PHACTR2: variants seen among roughly 807,000 people sequenced by gnomAD.
PHACTR2 encodes phosphatase and actin regulator 2.
Under a neutral mutation model 76.0 loss-of-function variants are expected in PHACTR2, and 30 were observed. The observed-to-expected ratio is 0.39, with a 90% CI of 0.30 to 0.54. The LOEUF (loss-of-function observed/expected upper bound fraction) is 0.54, where lower values mean the gene tolerates loss of function less well. Ranked by LOEUF, PHACTR2 falls within the 20% of genes least tolerant of loss-of-function variation. The pLI is 0.61. For synonymous variants in PHACTR2, 292 were observed against 292.5 expected (o/e 1.00, Z 0.02); for missense variants, 696 against 781.1 (o/e 0.89, Z 1.30).
Position 143,583,282 on chromosome 6 carries a change from A to G in PHACTR2, c.217+46075A>G, listed in dbSNP as rs1278987756. On this transcript the variant is annotated intron_variant, in intron 1 of 11. Transcript: ENST00000367584. This position sits in a 1 kb window ranked among gnomAD's most constrained non-coding sequence, Gnocchi z 4.0. ...ACTAAACCATGATTTAGTGAATGAAAGCACTTATACCATGTGAGAATGGGT... is the reference window on the plus strand; with the variant it reads ...ACTAAACCATGATTTAGTGAATGAAGGCACTTATACCATGTGAGAATGGGT... Among the ~76,000 whole-genome samples, 2 of 152,252 alleles carry G rather than the reference A, an allele frequency of 1.3e-5. No individual in the cohort carries two copies. The highest frequency in any genetic ancestry group is 2.9e-5 in the Non-Finnish European group (2 of 68,044).
intron 1 of PHACTR2, among the ~76,000 whole-genome samples, chr6:143,560,747 C>T (rs1015780670): frequency 2.0e-5 from 3 of 152,002 alleles, no homozygotes; most frequent in African/African-American, 4.8e-5. Flanking sequence ...AGTAGGTGCT[C>T]GCTGGGGAGG....
rs764984123 is a variant in PHACTR2, at chr6:143,589,799, A to G, written c.217+52592A>G. On this transcript the variant is annotated intron_variant, in intron 1 of 11. Coordinates refer to the PHACTR2 transcript ENST00000367584. The surrounding 1 kb of genome is among the most constrained non-coding windows in gnomAD (Gnocchi z 4.4). ...TAGGGGAGGGGACACAATTCAGTCC[A>G]TTGCACTAATCTTATGCAAACTATT... Among the ~76,000 whole-genome samples, 24 of 152,232 alleles carry G rather than the reference A, an allele frequency of 1.6e-4. No homozygotes were observed. Among genetic ancestry groups the G allele is most frequent in the Non-Finnish European group, 2.8e-4 (19 of 68,050 alleles).
In PHACTR2 at chr6:143,690,846, A is replaced by T. The variant is rs116779070; in HGVS notation, c.46+12637A>T. 8.7e-3 allele frequency among the ~76,000 whole-genome samples: 1,327 copies of T among 152,278 alleles called. 22 individuals carry two copies. The highest frequency in any genetic ancestry group is 0.03 in the African/African-American group (1,236 of 41,534). On this transcript the variant is annotated intron_variant, in intron 1 of 12. Transcript: ENST00000440869. ...GATAATAATGTGCTGGCATTTTTTA[A>T]GAAGACTCACATTTAAGATCTACAT...
Position 143,684,718 on chromosome 6 carries a change from G to C in PHACTR2, c.46+6509G>C, listed in dbSNP as rs1777475193. On this transcript the variant is annotated intron_variant, in intron 1 of 12. Coordinates refer to ENST00000440869, the MANE Select transcript of PHACTR2 (RefSeq NM_001100164.2). This position sits in a 1 kb window ranked among gnomAD's most constrained non-coding sequence, Gnocchi z 4.3. ...GAATTAGAAGTCACTTCCTCTGGGT[G>C]AGGCAGCTAGCTCCACAGCACAGAC... Among the ~76,000 whole-genome samples the C allele has an allele frequency of 6.6e-6, 1 of 152,196 alleles. No homozygotes were observed. The highest frequency in any genetic ancestry group is 1.5e-5 in the Non-Finnish European group (1 of 68,034).
At chr6:143,603,385 C>T (rs989582651), upstream of PHACTR2, among the ~76,000 whole-genome samples, 3 of 150,720 alleles carry the variant, frequency 2.0e-5, no homozygotes, top group Non-Finnish European at 4.4e-5. Context: ...AAAATTATAG[C>T]CAAGGAGCAG....
intron 2 of PHACTR2, among the ~76,000 whole-genome samples, chr6:143,719,808 C>G (rs1228919866): frequency 7.4e-6 from 1 of 135,550 alleles, no homozygotes; most frequent in Non-Finnish European, 1.5e-5. Context: ...GCTTTGTGTT[C>G]GACACTTTTT....
chr6:143,702,773 CTTTTTTTTTT>C (rs1190039194), intron 1 of PHACTR2, among the ~76,000 whole-genome samples: 1 of 100,134 alleles, frequency 1.0e-5, no homozygotes, highest in African/African-American at 4.2e-5. Flanking sequence ...ATATATACAA[CTTTTTTTTTT>C]TTTTTTTTTT....
Position 143,557,074 on chromosome 6 carries a change from G to C in PHACTR2, c.217+19867G>C, listed in dbSNP as rs1775185551. Among the ~76,000 whole-genome samples the C allele has an allele frequency of 6.6e-6, 1 of 152,158 alleles. No homozygotes were observed. The highest frequency in any genetic ancestry group is 2.4e-5 in the African/African-American group (1 of 41,432). On this transcript the variant is annotated intron_variant, in intron 1 of 11. Coordinates refer to the PHACTR2 transcript ENST00000367584. This position sits in a 1 kb window ranked among gnomAD's most constrained non-coding sequence, Gnocchi z 5.5. The stretch of plus-strand genomic sequence containing the variant: ...TCTCTCCAAAATATGTTCTCCATGT[G>C]GTTCGGCAAGAGGATTCACTTGGTT...
intron 1 of PHACTR2, chr6:143,711,704 T>G: frequency 1.8e-6 from 1 of 540,876 alleles, no homozygotes; most frequent in Non-Finnish European, 3.6e-6. Context: ...CTGTACAAAA[T>G]ATTGATGGGG....
At chr6:143,626,371 A>G (rs1230064411) in intron 1 of PHACTR2, among the ~76,000 whole-genome samples, 3 of 152,036 alleles carry the variant, frequency 2.0e-5, no homozygotes, top group Non-Finnish European at 4.4e-5. Flanking sequence ...CCCCGTCTCT[A>G]CTGAAAATAA....
intron 1 of PHACTR2, among the ~76,000 whole-genome samples, chr6:143,690,269 T>C (rs186264243): frequency 1.3e-5 from 2 of 152,350 alleles, no homozygotes; most frequent in Non-Finnish European, 1.5e-5. Context: ...TACATAGCCT[T>C]TGTCCTCTTC....
Position 143,788,814 on chromosome 6 carries a change from G to T in PHACTR2, c.1749G>T (p.Arg583Ser). The T allele has an allele frequency of 6.2e-7, 1 of 1,613,564 alleles. No homozygotes were observed. The highest frequency in any genetic ancestry group is 8.5e-7 in the Non-Finnish European group (1 of 1,179,560). ...RPTVAELQAR[R>S]ILRFNEYVEV... ...CAGTGGCAGAGCTACAAGCTCGAAG[G>T]ATCCTGCGATTTAACGAGTATGTAG... The change falls in exon 11 of 13, where the codon AGG (arginine) becomes AGT (serine). Residue 583 changes from arginine (R) to serine (S), a missense_variant. Physicochemically the swap from Arg to Ser is moderately radical, Grantham distance 110. This residue lies in a region of PHACTR2 where 236 missense variants were observed against 330.2 expected (regional missense o/e 0.71). Coordinates refer to ENST00000440869, the MANE Select transcript of PHACTR2 (RefSeq NM_001100164.2).
intron 6 of PHACTR2, among the ~76,000 whole-genome samples, chr6:143,771,591 C>A (rs1053534833): frequency 2.6e-5 from 4 of 151,630 alleles, no homozygotes; most frequent in Non-Finnish European, 5.9e-5. Flanking sequence ...TGCCGGCCAC[C>A]ACTGCTGGCT....
intron 2 of PHACTR2, among the ~76,000 whole-genome samples, chr6:143,748,219 C>T (rs2128469598): frequency 6.6e-6 from 1 of 152,316 alleles, no homozygotes; most frequent in African/African-American, 2.4e-5. Context: ...GTGCCCACCA[C>T]CATGACCAGC....
chr6:143,712,586 G>A (rs1003576246), intron 2 of PHACTR2, among the ~76,000 whole-genome samples: 4 of 151,436 alleles, frequency 2.6e-5, no homozygotes, highest in African/African-American at 4.8e-5. Flanking sequence ...AATATTTAAC[G>A]ATTTAACTAG....
Position 143,761,570 on chromosome 6 carries a change from A to C in PHACTR2, c.694+930A>C, listed in dbSNP as rs1779442481. ...GGAGTTCGAGACCAACCTGGTCAACATGGTGAAACCCTGTCTCTGCTAAAA... is the reference window on the plus strand; with the variant it reads ...GGAGTTCGAGACCAACCTGGTCAACCTGGTGAAACCCTGTCTCTGCTAAAA... On this transcript the variant is annotated intron_variant, in intron 5 of 12. Coordinates refer to ENST00000440869, the MANE Select transcript of PHACTR2 (RefSeq NM_001100164.2). This position sits in a 1 kb window ranked among gnomAD's most constrained non-coding sequence, Gnocchi z 5.2. Among the ~76,000 whole-genome samples the C allele has an allele frequency of 6.6e-6, 1 of 152,134 alleles. No homozygotes were observed. Among genetic ancestry groups the C allele is most frequent in the South Asian group, 2.1e-4 (1 of 4,824 alleles).
In PHACTR2 at chr6:143,825,742, A is replaced by G. The variant is rs2128488211; in HGVS notation, c.*2053A>G. ...TGTCTATGCTTAATCATCTTTAAAC[A>G]CTTTTTAAATTTCTAACCACAAGAC... On this transcript the variant is annotated 3_prime_UTR_variant, in exon 13 of 13. Transcript: ENST00000440869. This position sits in a 1 kb window ranked among gnomAD's most constrained non-coding sequence, Gnocchi z 4.1. 6.6e-6 allele frequency: 1 copy of G among 152,244 alleles called. No homozygotes were observed. The highest frequency in any genetic ancestry group is 2.1e-4 in the South Asian group (1 of 4,826). The allele number at this position is 152,244 out of a possible 1,614,324, so 9.4% of individuals were successfully genotyped here.
At chr6:143,712,248 T>A in intron 2 of PHACTR2, 65 bp downstream of exon 2, 3 of 1,132,124 alleles carry the variant, frequency 2.6e-6, no homozygotes, top group Non-Finnish European at 3.6e-6. Context: ...GGTAGAAAAT[T>A]ATGTTTTACA....
intron 5 of PHACTR2, among the ~76,000 whole-genome samples, chr6:143,763,523 G>A (rs904056139): frequency 1.3e-5 from 2 of 152,204 alleles, no homozygotes; most frequent in Non-Finnish European, 2.9e-5. Flanking sequence ...GATTGAAGGA[G>A]TGTGCTTAAT....
Sources: gnomAD v4.1 joint callset for allele counts (sites outside exome capture counted in the v4.1 genomes callset) on GRCh38, gnomAD v4.1.1 for gene constraint, gnomAD v4.1.1 regional missense constraint, Gnocchi (gnomAD v3.1) non-coding constraint, MANE v1.5 for transcripts, NCBI Gene and HGNC (gene_info 2026-07-23, HGNC 2026-07-21) for gene names.